KMT2C: variants seen among roughly 807,000 people sequenced by gnomAD.
The protein encoded by KMT2C is histone-lysine N-methyltransferase 2C.
KMT2C carries 88 observed loss-of-function variants against 507.9 expected under a neutral mutation model. The ratio of observed to expected loss-of-function variants is 0.17; its 90% CI spans 0.15 to 0.21. The LOEUF (loss-of-function observed/expected upper bound fraction) is 0.21, where lower values mean the gene tolerates loss of function less well. Among genes scored for constraint, KMT2C ranks in the 10% least tolerant of loss-of-function variants. The pLI is 1.00. For synonymous variants in KMT2C, 2,049 were observed against 2,080.8 expected, an observed-to-expected ratio of 0.98 and a Z score of 0.42; for missense variants, 4,954 against 5,957.8, an observed-to-expected ratio of 0.83 and a Z score of 5.55.
chr7:152,309,168 TAA>T (rs1050850778), intron 6 of KMT2C, among the ~76,000 whole-genome samples: 2 of 152,170 alleles, frequency 1.3e-5, no homozygotes, highest in African/African-American at 4.8e-5. Flanking sequence ...AGTTTTGTCT[TAA>T]AAAGTTACCA....
chr7:152,419,565 G>C (rs928871435), intron 1 of KMT2C, among the ~76,000 whole-genome samples: 1 of 152,056 alleles, frequency 6.6e-6, no homozygotes, highest in African/African-American at 2.4e-5. Flanking sequence ...AGTTGTTGCC[G>C]GTTATTTTTC....
At chr7:152,394,491 A>G (rs1174261772) in intron 1 of KMT2C, among the ~76,000 whole-genome samples, 1 of 152,202 alleles carries the variant, frequency 6.6e-6, no homozygotes, top group Non-Finnish European at 1.5e-5. Flanking sequence ...CTTTCCCCAA[A>G]TATCTGCCTT....
In KMT2C at chr7:152,179,258, AG is replaced by A. The variant is rs558436216; in HGVS notation, c.7442+575del. 2.9e-3 allele frequency among the ~76,000 whole-genome samples: 443 copies of A among 152,340 alleles called. 2 individuals carry two copies. Among genetic ancestry groups the A allele is most frequent in the African/African-American group, 0.01 (419 of 41,578 alleles). On this transcript the variant is annotated intron_variant, in intron 37 of 58. Coordinates refer to ENST00000262189, the MANE Select transcript of KMT2C (RefSeq NM_170606.3). ...TGATCCGCCCACCTCGGCCTCCCAA[AG>A]TATTGGGATTACAGGCCTGAGCCAC...
At chr7:152,379,298 C>T (rs2097351925) in intron 1 of KMT2C, among the ~76,000 whole-genome samples, 1 of 151,862 alleles carries the variant, frequency 6.6e-6, no homozygotes, top group South Asian at 2.1e-4. Context: ...CCCAGCACTT[C>T]GGGAGTCCAA....
At chr7:152,311,160 ATTAC>A (rs2096668384) in intron 5 of KMT2C, among the ~76,000 whole-genome samples, 1 of 152,202 alleles carries the variant, frequency 6.6e-6, no homozygotes, top group Admixed American at 6.5e-5. Context: ...CAAACAAAGT[ATTAC>A]TTAGTACTTT....
chr7:152,299,834 C>A (rs1476689770), intron 6 of KMT2C, among the ~76,000 whole-genome samples: 1 of 151,856 alleles, frequency 6.6e-6, no homozygotes, highest in Non-Finnish European at 1.5e-5. Flanking sequence ...ATAAAACTAT[C>A]GCCTTCAAGA....
At chr7:152,295,664 G>A (rs558602822) in intron 6 of KMT2C, among the ~76,000 whole-genome samples, 77 of 151,860 alleles carry the variant, frequency 5.1e-4, no homozygotes, top group African/African-American at 1.7e-3. Context: ...TTTCAGATAC[G>A]CACCCTGCTC....
At position 152,135,009 on chromosome 7, in the gene KMT2C, C is replaced by A. The variant is rs1278083954; in HGVS notation, c.*1823G>T. ...TCCAAAACCCATAACACTCTGTATA[C>A]TTCAAAAAATTCAATTTTTGCCAAC... On this transcript the variant is annotated 3_prime_UTR_variant, in exon 59 of 59. Transcript: ENST00000262189. 8.8e-6 allele frequency: 2 copies of A among 228,082 alleles called. No individual in the cohort carries two copies. Among genetic ancestry groups the A allele is most frequent in the Non-Finnish European group, 1.7e-5 (2 of 114,684 alleles). 14.1% of individuals were successfully genotyped at this position (228,082 alleles called of 1,614,324 possible).
intron 23 of KMT2C, among the ~76,000 whole-genome samples, chr7:152,208,539 TA>T (rs1205568987): frequency 6.6e-6 from 1 of 152,226 alleles, no homozygotes; most frequent in Non-Finnish European, 1.5e-5. Context: ...GTAGGATACC[TA>T]ATACATGTTC....
At chr7:152,267,174 T>C (rs1354365402) in intron 7 of KMT2C, among the ~76,000 whole-genome samples, 1 of 152,250 alleles carries the variant, frequency 6.6e-6, no homozygotes, top group Non-Finnish European at 1.5e-5. Flanking sequence ...CCCCATAGTT[T>C]CCCTTTGTGA....
intron 2 of KMT2C, among the ~76,000 whole-genome samples, chr7:152,332,172 G>A (rs1229296187): frequency 6.6e-6 from 1 of 151,966 alleles, no homozygotes; most frequent in African/African-American, 2.4e-5. Flanking sequence ...CACCTTAAAT[G>A]TTCTTTCTCA....
At chr7:152,351,084 G>A (rs945753614) in intron 2 of KMT2C, among the ~76,000 whole-genome samples, 1 of 152,134 alleles carries the variant, frequency 6.6e-6, no homozygotes, top group East Asian at 1.9e-4. Context: ...AACACACAAG[G>A]AGCTGTCATT....
chr7:152,364,926 AACAGACAG>A (rs765820811), intron 1 of KMT2C, among the ~76,000 whole-genome samples: 1 of 144,380 alleles, frequency 6.9e-6, no homozygotes, highest in African/African-American at 2.6e-5. Flanking sequence ...CAAAATCTGA[AACAGACAG>A]ACACACACAC....
chr7:152,364,705 A>G (rs564582343), intron 1 of KMT2C, among the ~76,000 whole-genome samples: 6 of 152,228 alleles, frequency 3.9e-5, no homozygotes, highest in Middle Eastern at 3.4e-3. Flanking sequence ...CATTATCCCT[A>G]AAGACATAAC....
chr7:152,220,819 G>C, intron 22 of KMT2C, 84 bp from the exon 23 acceptor site: 6 of 985,930 alleles, frequency 6.1e-6, no homozygotes, highest in Non-Finnish European at 9.4e-6. Context: ...CCCATGTCAA[G>C]GGAATGTGAC....
chr7:152,181,060 C>T lies in KMT2C; in HGVS notation c.6800G>A (p.Arg2267Lys). The T allele has an allele frequency of 6.2e-7, 1 of 1,614,154 alleles. No homozygotes were observed. The highest frequency in any genetic ancestry group is 1.3e-5 in the African/African-American group (1 of 75,044). Residue 2267 changes from arginine to lysine, a missense_variant, in exon 36 of 59, where the codon AGG becomes AAG. Transcript: ENST00000262189. ...RGPALPGPLVRPPDTCSQTPR... is the reference protein window; with the variant it reads ...RGPALPGPLVKPPDTCSQTPR... ...TGTCTGGGAACATGTATCAGGTGGC[C>T]TTACCAACGGGCCAGGTAAAGCTGG...
At chr7:152,149,234 C>G (rs1412389308) in intron 51 of KMT2C, 82 bp from the exon 52 acceptor site, 17 of 1,342,430 alleles carry the variant, frequency 1.3e-5, no homozygotes, top group Non-Finnish European at 1.7e-5. Flanking sequence ...AGAAGCTGAG[C>G]AGTATGACTG....
chr7:152,396,621 A>T lies in KMT2C; in HGVS notation c.162-37946T>A, dbSNP rs1222244467. Among the ~76,000 whole-genome samples the T allele has an allele frequency of 2.0e-5, 3 of 152,354 alleles. No homozygotes were observed. In the East Asian group the frequency reaches 5.8e-4, roughly 29 times the overall value. ...TGACTTTAGGGATACCAAAAAGAAA[A>T]CGACAATTGCTGATTTTCATTCTAG... On this transcript the variant is annotated intron_variant, in intron 1 of 58. Transcript: ENST00000262189.
At chr7:152,280,098 G>GT (rs1209674634) in intron 6 of KMT2C, among the ~76,000 whole-genome samples, 2 of 152,274 alleles carry the variant, frequency 1.3e-5, no homozygotes, top group Admixed American at 1.3e-4. Flanking sequence ...TGAAAGCGGA[G>GT]TTTTCTCCAG....
Sources: gnomAD v4.1 joint callset for allele counts (sites outside exome capture counted in the v4.1 genomes callset) on GRCh38, gnomAD v4.1.1 for gene constraint, MANE v1.5 for transcripts, NCBI Gene and HGNC (gene_info 2026-07-23, HGNC 2026-07-21) for gene names.